The following CDIN1 variants were observed in gnomAD, a reference collection of about 807,000 sequenced individuals.
The protein encoded by CDIN1 is CDAN1-interacting nuclease 1.
CDIN1 carries 33 observed loss-of-function variants against 45.3 expected under a neutral mutation model. That is an observed-to-expected ratio of 0.73 (90% CI 0.55 to 0.97). The LOEUF is 0.97. Ranked by LOEUF, CDIN1 falls within the 50% of genes least tolerant of loss-of-function variation. The pLI, the probability that CDIN1 is intolerant of heterozygous loss-of-function variation, is 0.00. For synonymous variants in CDIN1, 118 were observed against 124.4 expected (o/e 0.95, Z 0.34); for missense variants, 303 against 339.4 (o/e 0.89, Z 0.84).
intron 10 of CDIN1, among the ~76,000 whole-genome samples, chr15:36,790,999 C>T (rs1595602922): frequency 6.6e-6 from 1 of 152,196 alleles, no homozygotes; most frequent in Non-Finnish European, 1.5e-5. Flanking sequence ...CTCCCTCCTC[C>T]CACTGTCCAC....
intron 10 of CDIN1, among the ~76,000 whole-genome samples, chr15:36,790,594 T>C (rs1169556220): frequency 6.6e-6 from 1 of 152,222 alleles, no homozygotes; most frequent in East Asian, 1.9e-4. Context: ...CCTGACTTGA[T>C]TATTACACAT....
At chr15:36,645,390 C>T in intron 3 of CDIN1, 103 bp downstream of exon 3, 3 of 1,041,532 alleles carry the variant, frequency 2.9e-6, no homozygotes, top group Non-Finnish European at 4.1e-6. Context: ...TATCCCAAGA[C>T]ATTGTGTTTT....
chr15:36,743,321 A>G (rs2044303528), intron 10 of CDIN1, among the ~76,000 whole-genome samples: 1 of 152,218 alleles, frequency 6.6e-6, no homozygotes, highest in Admixed American at 6.5e-5. Flanking sequence ...TAAGCAGTAG[A>G]TAATCTTAGC....
chr15:36,769,818 A>G (rs556126483), intron 10 of CDIN1, among the ~76,000 whole-genome samples: 2 of 152,296 alleles, frequency 1.3e-5, no homozygotes, highest in East Asian at 1.9e-4. Context: ...CAAAAACGCA[A>G]CGAGCCCTGG....
intron 3 of CDIN1, among the ~76,000 whole-genome samples, chr15:36,650,598 A>T (rs1033166631): frequency 6.6e-6 from 1 of 151,818 alleles, no homozygotes; most frequent in Non-Finnish European, 1.5e-5. Context: ...ACGCGCCACC[A>T]TGCTGGGCTA....
At chr15:36,699,789 T>C (rs2042566943) in intron 8 of CDIN1, among the ~76,000 whole-genome samples, 1 of 152,200 alleles carries the variant, frequency 6.6e-6, no homozygotes, top group Non-Finnish European at 1.5e-5. Flanking sequence ...GCAGTTGTTA[T>C]GGCACAAGAT....
intron 10 of CDIN1, among the ~76,000 whole-genome samples, chr15:36,746,750 G>GTTTTT (rs1391686144): frequency 8.9e-6 from 1 of 112,480 alleles, no homozygotes; most frequent in Non-Finnish European, 1.8e-5. Context: ...TTGGAAACGT[G>GTTTTT]TCTTTTTTTT....
At chr15:36,715,461 A>G (rs1226993995) in intron 10 of CDIN1, among the ~76,000 whole-genome samples, 1 of 152,194 alleles carries the variant, frequency 6.6e-6, no homozygotes, top group African/African-American at 2.4e-5. Context: ...TTCCTGTATT[A>G]AGATACTTTC....
At chr15:36,625,668 G>T (rs2039392711) in intron 1 of CDIN1, among the ~76,000 whole-genome samples, 1 of 152,214 alleles carries the variant, frequency 6.6e-6, no homozygotes, top group African/African-American at 2.4e-5. Context: ...TTTCAAGAAA[G>T]AGACTCAGAG....
rs918312409 is a variant in CDIN1 at position 36,809,222 on chromosome 15, C to A, written c.*769C>A. 7.6e-6 allele frequency: 2 copies of A among 264,798 alleles called. No homozygotes were observed. The highest frequency in any genetic ancestry group is 4.5e-5 in the African/African-American group (2 of 44,252). The allele number at this position is 264,798 out of a possible 1,614,324, so 16.4% of individuals were successfully genotyped here. On this transcript the variant is annotated 3_prime_UTR_variant, in exon 11 of 11. Transcript: ENST00000566621. ...AAACCACACTCCTTTAGATTGGGGGCCGAGAGGCGACAACCCAACATTGAG... is the reference window on the plus strand; with the variant it reads ...AAACCACACTCCTTTAGATTGGGGGACGAGAGGCGACAACCCAACATTGAG...
intron 1 of CDIN1, among the ~76,000 whole-genome samples, chr15:36,591,070 A>G (rs2037547994): frequency 6.6e-6 from 1 of 152,198 alleles, no homozygotes; most frequent in Admixed American, 6.5e-5. Flanking sequence ...TTGTGGTTGG[A>G]CATTCATGCC....
At position 36,709,219 on chromosome 15, in the gene CDIN1, G is replaced by A; in HGVS notation, c.545-4G>A. 2 of 1,593,014 alleles carry A rather than the reference G, an allele frequency of 1.3e-6. No individual in the cohort carries two copies. Among genetic ancestry groups the A allele is most frequent in the South Asian group, 1.2e-5 (1 of 85,848 alleles). On this transcript the variant is annotated splice_region_variant and splice_polypyrimidine_tract_variant and intron_variant, in intron 8 of 10. Transcript: ENST00000566621. ...TAAGTAAATAGTGTTTGTTCTTCCT[G>A]TAGATGAAGATCAGCTTCGTGCAAA...
intron 10 of CDIN1, among the ~76,000 whole-genome samples, chr15:36,794,632 C>G (rs1356794395): frequency 6.8e-6 from 1 of 147,798 alleles, no homozygotes; most frequent in Admixed American, 6.7e-5. Flanking sequence ...ACAGGATTTT[C>G]CTCTTTTTTA....
Position 36,808,884 on chromosome 15 carries a change from C to T in CDIN1, c.*431C>T. 2.2e-6 allele frequency: 1 copy of T among 456,398 alleles called. No individual in the cohort carries two copies. The highest frequency in any genetic ancestry group is 4.4e-6 in the Non-Finnish European group (1 of 226,900). 28.3% of individuals were successfully genotyped at this position (456,398 alleles called of 1,614,324 possible). ...GTTCACTGTCTCTCCCTCTCCCTTT[C>T]TCTTCATGTGCACTCACAGAGACCC... On this transcript the variant is annotated 3_prime_UTR_variant, in exon 11 of 11. Coordinates refer to ENST00000566621, the MANE Select transcript of CDIN1 (RefSeq NM_001321759.2).
intron 1 of CDIN1, among the ~76,000 whole-genome samples, chr15:36,636,078 C>T (rs764732481): frequency 5.9e-5 from 9 of 151,858 alleles, no homozygotes; most frequent in Non-Finnish European, 1.0e-4. Context: ...GAAAGGTACG[C>T]AGTCACATAT....
chr15:36,797,789 T>G (rs561447642), intron 10 of CDIN1, among the ~76,000 whole-genome samples: 136 of 152,016 alleles, frequency 8.9e-4, no homozygotes, highest in Middle Eastern at 3.4e-3. Context: ...AGACGAGCCT[T>G]GCCAACATGG....
At chr15:36,794,525 A>G (rs1595607731) in intron 10 of CDIN1, among the ~76,000 whole-genome samples, 1 of 147,988 alleles carries the variant, frequency 6.8e-6, no homozygotes, top group Non-Finnish European at 1.5e-5. Context: ...TAGATACTTT[A>G]TTTGAGTGAA....
At chr15:36,797,749 G>A (rs1678605286) in intron 10 of CDIN1, among the ~76,000 whole-genome samples, 1 of 152,144 alleles carries the variant, frequency 6.6e-6, no homozygotes. Context: ...GGGGGCCGAG[G>A]CGGGCAGATC....
chr15:36,594,904 T>C (rs1450938901), intron 1 of CDIN1: 2 of 985,466 alleles, frequency 2.0e-6, no homozygotes, highest in African/African-American at 3.5e-5. Context: ...AAGCTCAGCT[T>C]TCTGTTTAGT....
Sources: allele counts gnomAD v4.1 joint callset (sites outside exome capture counted in the v4.1 genomes callset), GRCh38; gene constraint gnomAD v4.1.1; transcripts MANE v1.5; gene names NCBI Gene and HGNC (gene_info 2026-07-23, HGNC 2026-07-21).